TMEM170B: variants seen among roughly 807,000 people sequenced by gnomAD.
TMEM170B encodes transmembrane protein 170B.
Under a neutral mutation model 13.0 loss-of-function variants are expected in TMEM170B, and 6 were observed. That is an observed-to-expected ratio of 0.46 (90% CI 0.25 to 0.91). The LOEUF (loss-of-function observed/expected upper bound fraction) is 0.91. TMEM170B is among the 40% of genes least tolerant of loss of function. TMEM170B has a pLI of 0.17. For synonymous variants in TMEM170B, 61 were observed against 64.9 expected (o/e 0.94, Z 0.29); for missense variants, 138 against 165.2 (o/e 0.84, Z 0.90).
At chr6:11,561,945 A>G (rs1355759545) in intron 1 of TMEM170B, among the ~76,000 whole-genome samples, 1 of 152,222 alleles carries the variant, frequency 6.6e-6, no homozygotes, top group Non-Finnish European at 1.5e-5. Flanking sequence ...CAGTAGTCAA[A>G]CAACACTACT....
At chr6:11,549,232 TTTTC>T (rs1468583282) in intron 1 of TMEM170B, among the ~76,000 whole-genome samples, 2 of 152,232 alleles carry the variant, frequency 1.3e-5, no homozygotes, top group East Asian at 3.8e-4. Flanking sequence ...ATGCATCTCA[TTTTC>T]TATAAAGTGA....
At chr6:11,543,923 GT>G (rs1192517546) in intron 1 of TMEM170B, among the ~76,000 whole-genome samples, 8 of 152,094 alleles carry the variant, frequency 5.3e-5, no homozygotes, top group Non-Finnish European at 8.8e-5. Context: ...AAGTAGTCTT[GT>G]TTATATATTA....
At chr6:11,567,133 A>G (rs1228000920) in intron 2 of TMEM170B, among the ~76,000 whole-genome samples, 1 of 152,164 alleles carries the variant, frequency 6.6e-6, no homozygotes, top group Non-Finnish European at 1.5e-5. Flanking sequence ...CCCACTCCTG[A>G]CAACCTACCT....
rs925090057 is a variant in TMEM170B, at chr6:11,537,877, G to A, written c.-401G>A. On this transcript the variant is annotated 5_prime_UTR_variant, in exon 1 of 3. Coordinates refer to ENST00000379426, the MANE Select transcript of TMEM170B (RefSeq NM_001100829.3). The stretch of plus-strand genomic sequence containing the variant: ...CTGTCGGGGGCTGCACCTGCCGGCT[G>A]CCCATCAGCACCGGCCTCCTGGCGT... Among the ~76,000 whole-genome samples the A allele has an allele frequency of 5.3e-5, 8 of 151,704 alleles. No individual in the cohort carries two copies. The highest frequency in any genetic ancestry group is 1.0e-4 in the Non-Finnish European group (7 of 67,860).
In TMEM170B at chr6:11,576,362, G is replaced by A. The variant is rs1046435128; in HGVS notation, c.*801G>A. 3 of 152,148 alleles carry A rather than the reference G, an allele frequency of 2.0e-5. No individual in the cohort carries two copies. The highest frequency in any genetic ancestry group is 2.9e-5 in the Non-Finnish European group (2 of 68,020). 9.4% of individuals were successfully genotyped at this position (152,148 alleles called of 1,614,324 possible). On this transcript the variant is annotated 3_prime_UTR_variant, in exon 3 of 3. Transcript: ENST00000379426. The stretch of plus-strand genomic sequence containing the variant: ...ATTGTAGTTTGTGCGTCATAAAAAT[G>A]TAATTTGAAGATTTTCTTAAAAATT...
chr6:11,576,147 T>C lies in TMEM170B; in HGVS notation c.*586T>C, dbSNP rs1224313883. Reference sequence around the variant, plus strand: ...TTAGGGCTTCAATATGTTTAGGTATTATTGTTATTTAATTGATGTGGAAGA... The same window carrying C: ...TTAGGGCTTCAATATGTTTAGGTATCATTGTTATTTAATTGATGTGGAAGA... On this transcript the variant is annotated 3_prime_UTR_variant, in exon 3 of 3. Transcript: ENST00000379426. The C allele has an allele frequency of 6.6e-6, 1 of 152,268 alleles. No homozygotes were observed. Among genetic ancestry groups the C allele is most frequent in the Non-Finnish European group, 1.5e-5 (1 of 68,108 alleles). 9.4% of individuals were successfully genotyped at this position (152,268 alleles called of 1,614,324 possible).
intron 1 of TMEM170B, among the ~76,000 whole-genome samples, chr6:11,562,643 T>A (rs1759682868): frequency 6.6e-6 from 1 of 152,136 alleles, no homozygotes; most frequent in Non-Finnish European, 1.5e-5. Context: ...ATAGAGAGCT[T>A]ATGTACCCTT....
At chr6:11,566,294 C>T (rs1190565981) in intron 2 of TMEM170B, among the ~76,000 whole-genome samples, 1 of 152,170 alleles carries the variant, frequency 6.6e-6, no homozygotes, top group Non-Finnish European at 1.5e-5. Flanking sequence ...TTATTATGGC[C>T]TACTAGAAAT....
At position 11,581,963 on chromosome 6, in the gene TMEM170B, A is replaced by G. The variant is rs1236110057; in HGVS notation, c.*6402A>G. 6.6e-6 allele frequency: 1 copy of G among 152,196 alleles called. No individual in the cohort carries two copies. The highest frequency in any genetic ancestry group is 1.9e-4 in the East Asian group (1 of 5,204). The allele number at this position is 152,196 out of a possible 1,614,324, so 9.4% of individuals were successfully genotyped here. On this transcript the variant is annotated 3_prime_UTR_variant, in exon 3 of 3. Transcript: ENST00000379426. ...GTTTTTGATGTTGGATGCATTTACA[A>G]TGGAAGAATTTTTTTGAAAGATTTG...
At position 11,580,322 on chromosome 6, in the gene TMEM170B, T is replaced by C. The variant is rs1469693287; in HGVS notation, c.*4761T>C. On this transcript the variant is annotated 3_prime_UTR_variant, in exon 3 of 3. Coordinates refer to ENST00000379426, the MANE Select transcript of TMEM170B (RefSeq NM_001100829.3). ...GCTGCCGTGCCCAGCCTATTTTTTT[T>C]TAACTTCAAATACTATTATTTTAAA... The C allele has an allele frequency of 1.3e-5, 2 of 152,190 alleles. No individual in the cohort carries two copies. The highest frequency in any genetic ancestry group is 1.3e-4 in the Admixed American group (2 of 15,284). The allele number at this position is 152,190 out of a possible 1,614,324, so 9.4% of individuals were successfully genotyped here.
Position 11,578,511 on chromosome 6 carries a change from T to A in TMEM170B, c.*2950T>A, listed in dbSNP as rs1163261928. 1 of 152,138 alleles carries A rather than the reference T, an allele frequency of 6.6e-6. No individual in the cohort carries two copies. The highest frequency in any genetic ancestry group is 2.4e-5 in the African/African-American group (1 of 41,434). The allele number at this position is 152,138 out of a possible 1,614,324, so 9.4% of individuals were successfully genotyped here. A position where few individuals can be genotyped will look rare whatever the true frequency, so the allele number is the denominator to read the frequency against. On this transcript the variant is annotated 3_prime_UTR_variant, in exon 3 of 3. Transcript: ENST00000379426. Reference sequence around the variant, plus strand: ...GCTAGTCAGGAGGCCTCAAATAAACTGCAAATAATGCTTAAAACTTTAAAA... The same window carrying A: ...GCTAGTCAGGAGGCCTCAAATAAACAGCAAATAATGCTTAAAACTTTAAAA...
intron 2 of TMEM170B, among the ~76,000 whole-genome samples, chr6:11,566,994 G>A (rs1759742354): frequency 6.6e-6 from 1 of 152,182 alleles, no homozygotes; most frequent in Non-Finnish European, 1.5e-5. Flanking sequence ...AATTTCAAGT[G>A]TTTTTATCCA....
chr6:11,539,086 C>T (rs185532887), intron 1 of TMEM170B, among the ~76,000 whole-genome samples: 4 of 152,310 alleles, frequency 2.6e-5, no homozygotes, highest in Non-Finnish European at 5.9e-5. Flanking sequence ...CTTATAACAT[C>T]AATTTCTATT....
intron 1 of TMEM170B, among the ~76,000 whole-genome samples, chr6:11,564,974 C>T (rs375402801): frequency 2.6e-5 from 4 of 152,204 alleles, no homozygotes; most frequent in African/African-American, 9.6e-5. Flanking sequence ...GGGAGGCAGT[C>T]GGGTGGCCAG....
intron 2 of TMEM170B, among the ~76,000 whole-genome samples, chr6:11,570,052 A>G (rs1759781142): frequency 6.6e-6 from 1 of 152,108 alleles, no homozygotes; most frequent in Non-Finnish European, 1.5e-5. Context: ...GGATCGCTCA[A>G]AAAGTATGAT....
chr6:11,563,704 C>T (rs1037934682), intron 1 of TMEM170B, among the ~76,000 whole-genome samples: 1 of 152,192 alleles, frequency 6.6e-6, no homozygotes, highest in Non-Finnish European at 1.5e-5. Context: ...GTGGTTCTCG[C>T]CTGTAATCCC....
At chr6:11,565,094 T>C (rs1169541090) in intron 1 of TMEM170B, among the ~76,000 whole-genome samples, 2 of 152,136 alleles carry the variant, frequency 1.3e-5, no homozygotes, top group East Asian at 1.9e-4. Flanking sequence ...GGAGATAATA[T>C]TGGAGCTTGA....
chr6:11,560,052 A>G (rs1744777102), intron 1 of TMEM170B, among the ~76,000 whole-genome samples: 1 of 151,934 alleles, frequency 6.6e-6, no homozygotes, highest in African/African-American at 2.4e-5. Flanking sequence ...TTTATCCTAG[A>G]GTAGTGATTT....
intron 1 of TMEM170B, among the ~76,000 whole-genome samples, chr6:11,546,245 A>ATTTTTTTT (rs572760228): frequency 0.043 from 6,489 of 151,058 alleles, 173 homozygotes; most frequent in African/African-American, 0.077. Context: ...GTTTTTAACA[A>ATTTTTTTT]TTTTTTTTTA....
Sources: allele counts gnomAD v4.1 joint callset (sites outside exome capture counted in the v4.1 genomes callset), GRCh38; gene constraint gnomAD v4.1.1; transcripts MANE v1.5; gene names NCBI Gene and HGNC (gene_info 2026-07-23, HGNC 2026-07-21).